LDLRAD4: variants seen among roughly 807,000 people sequenced by gnomAD.
LDLRAD4 encodes low density lipoprotein receptor class A domain containing 4, also known as low-density lipoprotein receptor class A domain-containing protein 4.
LDLRAD4 carries 5 observed loss-of-function variants against 17.0 expected under a neutral mutation model. The observed-to-expected ratio is 0.29, with a 90% confidence interval of 0.15 to 0.62. LDLRAD4 has a LOEUF of 0.62. Among genes scored for constraint, LDLRAD4 ranks in the 20% least tolerant of loss-of-function variants. LDLRAD4 has a pLI of 0.84. For synonymous variants in LDLRAD4, 168 were observed against 171.8 expected, an observed-to-expected ratio of 0.98 and a Z score of 0.17; for missense variants, 340 against 424.7, an observed-to-expected ratio of 0.80 and a Z score of 1.75.
rs146961671 is a variant in LDLRAD4 at position 13,540,517 on chromosome 18, A to G, written c.182-80600A>G. ...CATAATAGTTTCTGAAAGGTATTCAATCCTGGTGGAGAGCTGGAGATGTGT... is the reference window on the plus strand; with the variant it reads ...CATAATAGTTTCTGAAAGGTATTCAGTCCTGGTGGAGAGCTGGAGATGTGT... On this transcript the variant is annotated intron_variant, in intron 3 of 5. Transcript: ENST00000359446. 2.8e-4 allele frequency among the ~76,000 whole-genome samples: 43 copies of G among 152,208 alleles called. 1 individual carries two copies. In the East Asian group the frequency reaches 8.1e-3, roughly 29 times the overall value.
At chr18:13,364,232 T>C (rs2083895236) in intron 1 of LDLRAD4, among the ~76,000 whole-genome samples, 1 of 152,214 alleles carries the variant, frequency 6.6e-6, no homozygotes, top group Admixed American at 6.5e-5. Flanking sequence ...GGGTTACGAG[T>C]ATTAATGTTT....
intron 2 of LDLRAD4, among the ~76,000 whole-genome samples, chr18:13,405,446 G>A (rs906732791): frequency 6.6e-6 from 1 of 151,822 alleles, no homozygotes. Flanking sequence ...GTTTTGAGGC[G>A]GGGTCTCACT....
Position 13,621,677 on chromosome 18 carries a change from G to A in LDLRAD4, c.336+406G>A, listed in dbSNP as rs1307195415. Among the ~76,000 whole-genome samples the A allele has an allele frequency of 6.6e-6, 1 of 152,290 alleles. No individual in the cohort carries two copies. The highest frequency in any genetic ancestry group is 2.4e-5 in the African/African-American group (1 of 41,554). On this transcript the variant is annotated intron_variant, in intron 4 of 5. Transcript: ENST00000359446. The surrounding 1 kb of genome is among the most constrained non-coding windows in gnomAD (Gnocchi z 5.5). ...CTGAGCTGGGTCCTGGAGGTGCTGC[G>A]GGGACAAATCACGCGCTCATCGTCA...
At chr18:13,336,912 T>A (rs910233554) in intron 1 of LDLRAD4, among the ~76,000 whole-genome samples, 4 of 152,202 alleles carry the variant, frequency 2.6e-5, no homozygotes, top group Admixed American at 2.6e-4. Context: ...CGTCTATTAG[T>A]AAGTTTTATG....
At chr18:13,640,698 G>A (rs36102943) in intron 4 of LDLRAD4, among the ~76,000 whole-genome samples, 76,112 of 152,044 alleles carry the variant, frequency 0.5, 22,286 homozygotes, top group East Asian at 0.84. Context: ...GAGGAAGGTG[G>A]TGTGGCGGGG....
chr18:13,450,343 A>AC (rs1555691887), intron 3 of LDLRAD4, among the ~76,000 whole-genome samples: 1 of 131,790 alleles, frequency 7.6e-6, no homozygotes, highest in African/African-American at 2.8e-5. Context: ...CCCCCAAAAA[A>AC]ACACACAAGA....
At chr18:13,311,358 G>C (rs1274125343) in intron 1 of LDLRAD4, among the ~76,000 whole-genome samples, 1 of 152,256 alleles carries the variant, frequency 6.6e-6, no homozygotes, top group Non-Finnish European at 1.5e-5. Context: ...ATGTGAAAGA[G>C]TCTTTGTGCA....
rs1004967579 is a variant in LDLRAD4, at chr18:13,622,479, G to GC, written c.336+1209dup. On this transcript the variant is annotated intron_variant, in intron 4 of 5. Transcript: ENST00000359446. The surrounding 1 kb of genome is among the most constrained non-coding windows in gnomAD (Gnocchi z 5.3). ...CAGCCGTTTCCTCCTCTTGCCCCCT[G>GC]CATCCTCTCTTGCCCCTTCTGTCCT... Among the ~76,000 whole-genome samples, 1 of 152,162 alleles carries GC rather than the reference G, an allele frequency of 6.6e-6. No homozygotes were observed. Among genetic ancestry groups the GC allele is most frequent in the African/African-American group, 2.4e-5 (1 of 41,430 alleles).
At chr18:13,354,292 A>G (rs1286102782) in intron 1 of LDLRAD4, among the ~76,000 whole-genome samples, 1 of 152,072 alleles carries the variant, frequency 6.6e-6, no homozygotes, top group Non-Finnish European at 1.5e-5. Flanking sequence ...AGAATTGTCA[A>G]TTTTATGCTA....
At chr18:13,311,924 C>T (rs751397132) in intron 1 of LDLRAD4, among the ~76,000 whole-genome samples, 17 of 152,012 alleles carry the variant, frequency 1.1e-4, no homozygotes, top group Non-Finnish European at 2.2e-4. Flanking sequence ...CCTCCCCTCC[C>T]GGGTTCACGC....
intron 2 of LDLRAD4, among the ~76,000 whole-genome samples, chr18:13,430,146 C>G (rs1300368334): frequency 1.3e-5 from 2 of 152,210 alleles, no homozygotes; most frequent in East Asian, 1.9e-4. Context: ...CTGCCAGGCA[C>G]TCTTGTGCTT....
intron 1 of LDLRAD4, among the ~76,000 whole-genome samples, chr18:13,381,463 C>T (rs2085359603): frequency 6.6e-6 from 1 of 152,214 alleles, no homozygotes. Context: ...AGTTTCACCT[C>T]CTCATTGTAT....
upstream of LDLRAD4, among the ~76,000 whole-genome samples, chr18:13,274,630 T>C (rs2044751689): frequency 6.6e-6 from 1 of 152,222 alleles, no homozygotes; most frequent in Admixed American, 6.5e-5. Context: ...CAGTCCTGAA[T>C]GTAGATTTCA....
chr18:13,612,552 C>T (rs758661816), intron 3 of LDLRAD4: 169 of 1,449,750 alleles, frequency 1.2e-4, no homozygotes, highest in Non-Finnish European at 1.4e-4. Flanking sequence ...CACACCCCCC[C>T]CCCCTCCACG....
intron 3 of LDLRAD4, among the ~76,000 whole-genome samples, chr18:13,516,373 T>G (rs1463378756): frequency 6.6e-6 from 1 of 152,220 alleles, no homozygotes; most frequent in East Asian, 1.9e-4. Context: ...CAGGAAGTTC[T>G]AGCCCTGTGC....
intron 2 of LDLRAD4, among the ~76,000 whole-genome samples, chr18:13,400,816 C>T (rs2087115972): frequency 6.6e-6 from 1 of 152,140 alleles, no homozygotes. Flanking sequence ...GAGGCCCACT[C>T]CTAGATTTAT....
At chr18:13,459,808 A>C (rs1233802953) in intron 3 of LDLRAD4, 2 of 153,392 alleles carry the variant, frequency 1.3e-5, no homozygotes, top group Non-Finnish European at 2.9e-5. Context: ...TTCCAGGTCT[A>C]CATTTTCTCA....
intron 3 of LDLRAD4, among the ~76,000 whole-genome samples, chr18:13,617,845 G>A (rs1307339140): frequency 6.6e-6 from 1 of 152,230 alleles, no homozygotes. Context: ...TCTCCAGGGT[G>A]AATGAGGGCA....
intron 2 of LDLRAD4, among the ~76,000 whole-genome samples, chr18:13,402,512 G>A (rs1302403718): frequency 6.6e-6 from 1 of 152,150 alleles, no homozygotes; most frequent in Non-Finnish European, 1.5e-5. Flanking sequence ...AAAAATTAAA[G>A]ATCTCTTCGT....
Sources: gnomAD v4.1 joint callset for allele counts (sites outside exome capture counted in the v4.1 genomes callset) on GRCh38, gnomAD v4.1.1 for gene constraint, Gnocchi (gnomAD v3.1) non-coding constraint, MANE v1.5 for transcripts, NCBI Gene and HGNC (gene_info 2026-07-23, HGNC 2026-07-21) for gene names.